The following SPAG16 variants were observed in gnomAD, a reference collection of about 807,000 sequenced individuals.
SPAG16 encodes sperm-associated antigen 16 protein.
SPAG16 carries 86 observed loss-of-function variants against 80.4 expected under a neutral mutation model. That is an observed-to-expected ratio of 1.07 (90% CI 0.90 to 1.28). The LOEUF is 1.28. Ranked by LOEUF, SPAG16 falls within the 50% of genes most tolerant of loss-of-function variation. SPAG16 has a pLI of 0.00. For synonymous variants in SPAG16, 294 were observed against 265.9 expected (o/e 1.11, Z -1.03); for missense variants, 870 against 765.3 (o/e 1.14, Z -1.61).
At chr2:213,367,163 A>G (rs1383851282) in intron 8 of SPAG16, among the ~76,000 whole-genome samples, 1 of 152,152 alleles carries the variant, frequency 6.6e-6, no homozygotes, top group African/African-American at 2.4e-5. Context: ...TATATGTCCC[A>G]CATTTTCTTA....
At chr2:214,085,923 G>A (rs2051709551) in intron 13 of SPAG16, among the ~76,000 whole-genome samples, 1 of 152,138 alleles carries the variant, frequency 6.6e-6, no homozygotes, top group South Asian at 2.1e-4. Flanking sequence ...TTTGATTTGT[G>A]TTTCTTTAAT....
At chr2:213,444,224 T>A (rs1423394956) in intron 9 of SPAG16, among the ~76,000 whole-genome samples, 1 of 152,206 alleles carries the variant, frequency 6.6e-6, no homozygotes, top group Non-Finnish European at 1.5e-5. Context: ...TCACAACCTT[T>A]TCTTGTCAAA....
chr2:214,074,294 A>G (rs1196527210), intron 13 of SPAG16, among the ~76,000 whole-genome samples: 4 of 152,226 alleles, frequency 2.6e-5, no homozygotes, highest in Non-Finnish European at 5.9e-5. Flanking sequence ...CAACTAAGAC[A>G]TAAATACAAT....
At chr2:213,661,835 A>G (rs2063437114) in intron 10 of SPAG16, among the ~76,000 whole-genome samples, 1 of 152,216 alleles carries the variant, frequency 6.6e-6, no homozygotes, top group Non-Finnish European at 1.5e-5. Context: ...CAGTGAATCC[A>G]GATAATAATT....
At chr2:213,389,782 C>T (rs1017095258) in intron 9 of SPAG16, among the ~76,000 whole-genome samples, 2 of 151,986 alleles carry the variant, frequency 1.3e-5, no homozygotes, top group African/African-American at 2.4e-5. Context: ...TCACTATTGG[C>T]AGAATGTAAA....
At chr2:213,615,101 C>T (rs947916866) in intron 10 of SPAG16, among the ~76,000 whole-genome samples, 4 of 152,166 alleles carry the variant, frequency 2.6e-5, no homozygotes, top group Non-Finnish European at 4.4e-5. Context: ...AGTTGACAGA[C>T]GGTTAATCTG....
chr2:213,813,078 T>C (rs776283783), intron 10 of SPAG16, among the ~76,000 whole-genome samples: 1 of 152,104 alleles, frequency 6.6e-6, no homozygotes, highest in Non-Finnish European at 1.5e-5. Flanking sequence ...TGAGAAGCCT[T>C]ATAAGAATGT....
chr2:213,769,271 T>C (rs1353788800), intron 10 of SPAG16, among the ~76,000 whole-genome samples: 1 of 152,180 alleles, frequency 6.6e-6, no homozygotes, highest in African/African-American at 2.4e-5. Flanking sequence ...TCCTTTTATA[T>C]ATCAGTGAGT....
intron 9 of SPAG16, among the ~76,000 whole-genome samples, chr2:213,447,621 C>T (rs542615194): frequency 2.2e-4 from 34 of 152,316 alleles, no homozygotes; most frequent in Admixed American, 1.4e-3. Context: ...GCGTTCCCAC[C>T]GCCACTCCTC....
chr2:213,999,903 A>G (rs998026685), intron 12 of SPAG16, among the ~76,000 whole-genome samples: 1 of 152,184 alleles, frequency 6.6e-6, no homozygotes, highest in South Asian at 2.1e-4. Context: ...CCCATTTGGA[A>G]GGGCTGTATT....
intron 15 of SPAG16, among the ~76,000 whole-genome samples, chr2:214,187,293 T>A (rs2057511061): frequency 6.6e-6 from 1 of 152,132 alleles, no homozygotes; most frequent in Non-Finnish European, 1.5e-5. Flanking sequence ...CAATTATTCT[T>A]TCACTTTTGT....
At chr2:213,551,039 T>A (rs1178928893) in intron 10 of SPAG16, among the ~76,000 whole-genome samples, 1 of 152,156 alleles carries the variant, frequency 6.6e-6, no homozygotes, top group African/African-American at 2.4e-5. Context: ...AATTCAGAAT[T>A]TTCCTAACCG....
chr2:214,349,212 T>C (rs1698251506), intron 15 of SPAG16, among the ~76,000 whole-genome samples: 1 of 152,110 alleles, frequency 6.6e-6, no homozygotes, highest in Non-Finnish European at 1.5e-5. Flanking sequence ...TCCCTTACCA[T>C]TTCCTGACAA....
chr2:213,561,784 CT>C (rs1461224167), intron 10 of SPAG16, among the ~76,000 whole-genome samples: 1 of 151,896 alleles, frequency 6.6e-6, no homozygotes, highest in East Asian at 1.9e-4. Flanking sequence ...CAAAAAATGC[CT>C]TTTGTTGTAT....
intron 10 of SPAG16, among the ~76,000 whole-genome samples, chr2:213,752,769 C>T (rs1200040878): frequency 2.6e-5 from 4 of 152,074 alleles, no homozygotes; most frequent in Admixed American, 6.5e-5. Flanking sequence ...AATGCTTTTC[C>T]GGTGTGGTGG....
At chr2:214,261,103 G>T (rs1241172057) in intron 15 of SPAG16, among the ~76,000 whole-genome samples, 1 of 65,360 alleles carries the variant, frequency 1.5e-5, no homozygotes, top group Non-Finnish European at 2.6e-5. Context: ...GCAAGACTCA[G>T]TCTCAAAAAA....
intron 14 of SPAG16, among the ~76,000 whole-genome samples, chr2:214,125,932 A>G (rs11896697): frequency 0.28 from 41,723 of 150,920 alleles, 6,114 homozygotes; most frequent in East Asian, 0.45. Context: ...GGGCAAAAGA[A>G]TATAATCTAA....
At chr2:213,892,638 C>T (rs1052380085) in intron 11 of SPAG16, among the ~76,000 whole-genome samples, 34 of 151,840 alleles carry the variant, frequency 2.2e-4, no homozygotes, top group African/African-American at 8.0e-4. Flanking sequence ...ACACAGAAAT[C>T]GTAGAGCTGA....
intron 13 of SPAG16, among the ~76,000 whole-genome samples, chr2:214,089,255 G>A (rs1482322332): frequency 1.3e-5 from 2 of 151,980 alleles, no homozygotes; most frequent in South Asian, 2.1e-4. Flanking sequence ...AGGCTGAGGG[G>A]AGGCATTTGT....
Sources: allele counts gnomAD v4.1 joint callset (sites outside exome capture counted in the v4.1 genomes callset), GRCh38; gene constraint gnomAD v4.1.1; transcripts MANE v1.5; gene names NCBI Gene and HGNC (gene_info 2026-07-23, HGNC 2026-07-21).